The following EYA2 variants were observed in gnomAD, a reference collection of about 807,000 sequenced individuals.
The protein encoded by EYA2 is EYA transcriptional coactivator and phosphatase 2, also known as protein phosphatase EYA2.
A neutral mutation model predicts 69.2 loss-of-function variants in EYA2; 31 were observed. The ratio of observed to expected loss-of-function variants is 0.45; its 90% CI spans 0.34 to 0.60. EYA2 has a LOEUF of 0.60. Ranked by LOEUF, EYA2 falls within the 20% of genes least tolerant of loss-of-function variation. EYA2 has a pLI of 0.02. For missense variants in EYA2, 622 were observed against 701.2 expected, an observed-to-expected ratio of 0.89 and a Z score of 1.28; for synonymous variants, 257 against 279.4, an observed-to-expected ratio of 0.92 and a Z score of 0.80.
chr20:47,173,015 A>G, intron 12 of EYA2, 148 bp downstream of exon 12: 1 of 856,854 alleles, frequency 1.2e-6, no homozygotes, highest in Non-Finnish European at 1.7e-6. Flanking sequence ...ACCCTTCGGA[A>G]TAGAGCACTG....
At chr20:46,983,749 T>G (rs1290727373) in intron 1 of EYA2, among the ~76,000 whole-genome samples, 2 of 152,192 alleles carry the variant, frequency 1.3e-5, no homozygotes, top group Non-Finnish European at 2.9e-5. Context: ...AACTCCAGTT[T>G]TTTTCTCCCC....
At chr20:47,184,756 G>C (rs569641745) in intron 15 of EYA2, among the ~76,000 whole-genome samples, 39 of 152,208 alleles carry the variant, frequency 2.6e-4, no homozygotes, top group African/African-American at 9.2e-4. Flanking sequence ...ACTCAGAAAG[G>C]TTAATTAATT....
At chr20:47,109,621 A>T (rs767235091) in intron 9 of EYA2, among the ~76,000 whole-genome samples, 3 of 152,042 alleles carry the variant, frequency 2.0e-5, no homozygotes, top group Non-Finnish European at 4.4e-5. Context: ...GGGCTCTAGT[A>T]ATCCTCCTGC....
chr20:46,917,427 A>G (rs752720331), intron 1 of EYA2, among the ~76,000 whole-genome samples: 1 of 152,250 alleles, frequency 6.6e-6, no homozygotes, highest in Non-Finnish European at 1.5e-5. Flanking sequence ...ATTTGAACGC[A>G]TGACTCTCAG....
In EYA2 at chr20:47,064,450, A is replaced by G. The variant is rs35205796; in HGVS notation, c.416-7735A>G. ...GAGTAGTGCTCCTGTGAACTTTTGC[A>G]TACAAGTTTTTGCTTAAATACTTGT... On this transcript the variant is annotated intron_variant, in intron 5 of 15. Transcript: ENST00000327619. Among the ~76,000 whole-genome samples, 275 of 152,354 alleles carry G rather than the reference A, an allele frequency of 1.8e-3. 1 individual carries two copies. Among genetic ancestry groups the G allele is most frequent in the Non-Finnish European group, 2.0e-3 (136 of 68,030 alleles).
chr20:46,995,152 A>C (rs1206793), intron 2 of EYA2, among the ~76,000 whole-genome samples: 103,339 of 152,004 alleles, frequency 0.68, 35,266 homozygotes, highest in African/African-American at 0.72. Flanking sequence ...GCACTCGCCT[A>C]AGCCTCCCAA....
intron 1 of EYA2, among the ~76,000 whole-genome samples, chr20:46,912,337 CT>C (rs1275482705): frequency 3.9e-5 from 6 of 152,090 alleles, no homozygotes; most frequent in Non-Finnish European, 4.4e-5. Flanking sequence ...CGAGGTGAGA[CT>C]TTTTTTTCTT....
rs375851387 is a variant in EYA2, at chr20:46,974,177, G to A, written c.-10-15824G>A. 3.0e-4 allele frequency among the ~76,000 whole-genome samples: 46 copies of A among 152,232 alleles called. No homozygotes were observed. In the South Asian group the frequency reaches 3.5e-3, roughly 12 times the overall value. On this transcript the variant is annotated intron_variant, in intron 1 of 15. Transcript: ENST00000327619. ...ATGAAAGGCACTTAAAACAATGTCT[G>A]GCTCATAGACAGTGCTTAGTCTACG...
chr20:46,935,988 A>G (rs553781062), intron 1 of EYA2, among the ~76,000 whole-genome samples: 3 of 152,250 alleles, frequency 2.0e-5, no homozygotes, highest in Admixed American at 2.0e-4. Flanking sequence ...GGCAGTGCTC[A>G]CGGGAGCATT....
At chr20:47,049,037 A>T (rs1022755982) in intron 5 of EYA2, among the ~76,000 whole-genome samples, 1 of 152,214 alleles carries the variant, frequency 6.6e-6, no homozygotes, top group African/African-American at 2.4e-5. Flanking sequence ...CATTTTGCAG[A>T]TGGAGAAACT....
intron 5 of EYA2, among the ~76,000 whole-genome samples, chr20:47,053,586 G>T (rs1003041871): frequency 1.3e-5 from 2 of 149,154 alleles, no homozygotes; most frequent in Non-Finnish European, 3.0e-5. Context: ...AGAAACAACC[G>T]AGCCCAGGAA....
At chr20:47,089,418 A>C (rs1243939624) in intron 8 of EYA2, 37 bp downstream of exon 8, 1 of 1,584,204 alleles carries the variant, frequency 6.3e-7, no homozygotes, top group East Asian at 2.2e-5. Context: ...TGGTGAATGT[A>C]ATCTCCATCT....
At chr20:47,097,948 T>C (rs1453362203) in intron 9 of EYA2, among the ~76,000 whole-genome samples, 1 of 152,174 alleles carries the variant, frequency 6.6e-6, no homozygotes, top group Admixed American at 6.5e-5. Flanking sequence ...GGCAGCTGCT[T>C]CCACGCATGG....
intron 2 of EYA2, among the ~76,000 whole-genome samples, chr20:46,997,423 A>G (rs1337812994): frequency 6.6e-6 from 1 of 151,970 alleles, no homozygotes; most frequent in Non-Finnish European, 1.5e-5. Flanking sequence ...CTCTCTCCTC[A>G]CCCATAGGAA....
intron 9 of EYA2, among the ~76,000 whole-genome samples, chr20:47,131,511 A>C (rs2033341867): frequency 6.6e-6 from 1 of 152,234 alleles, no homozygotes; most frequent in African/African-American, 2.4e-5. Flanking sequence ...AGTCCCCAGA[A>C]TCTGTGGCTG....
chr20:47,040,390 A>G (rs575150021), intron 5 of EYA2, among the ~76,000 whole-genome samples: 5 of 152,272 alleles, frequency 3.3e-5, no homozygotes, highest in East Asian at 1.9e-4. Flanking sequence ...ATCTCCCTCA[A>G]TGGGGGATCT....
Position 47,030,896 on chromosome 20 carries a change from A to T in EYA2, c.415+14599A>T, listed in dbSNP as rs543711000. Among the ~76,000 whole-genome samples, 5 of 152,310 alleles carry T rather than the reference A, an allele frequency of 3.3e-5. No homozygotes were observed. In the East Asian group the frequency reaches 9.7e-4, roughly 29 times the overall value. On this transcript the variant is annotated intron_variant, in intron 5 of 15. Transcript: ENST00000327619. ...CTCAGCCTCCTGAGTAGCTGAGACT[A>T]CAGGTGCACACCAGGCTGCTGCTGC...
intron 12 of EYA2, among the ~76,000 whole-genome samples, chr20:47,178,539 A>G (rs1156469678): frequency 6.6e-6 from 1 of 151,998 alleles, no homozygotes; most frequent in South Asian, 2.1e-4. Flanking sequence ...GAAACTCAGT[A>G]GGGACAGGAT....
At chr20:46,903,193 C>T (rs182278675) in intron 1 of EYA2, among the ~76,000 whole-genome samples, 264 of 152,340 alleles carry the variant, frequency 1.7e-3, no homozygotes, top group Middle Eastern at 0.01. Context: ...CCAATGTGTT[C>T]TCACCAGTAT....
Sources: allele counts gnomAD v4.1 joint callset (sites outside exome capture counted in the v4.1 genomes callset), GRCh38; gene constraint gnomAD v4.1.1; transcripts MANE v1.5; gene names NCBI Gene and HGNC (gene_info 2026-07-23, HGNC 2026-07-21).